The following MYO3B variants were observed in gnomAD, a reference collection of about 807,000 sequenced individuals.
The protein encoded by MYO3B is myosin-IIIb.
In MYO3B, 156 loss-of-function variants were observed where a neutral mutation model predicts 174.6. The ratio of observed to expected loss-of-function variants is 0.89; its 90% CI spans 0.78 to 1.02. The LOEUF (loss-of-function observed/expected upper bound fraction) is 1.02, where lower values mean the gene tolerates loss of function less well. Among genes scored for constraint, MYO3B ranks in the 50% least tolerant of loss-of-function variants. MYO3B has a pLI of 0.00. For missense variants in MYO3B, 1,632 were observed against 1,639.4 expected (o/e 1.00, Z 0.08); for synonymous variants, 563 against 569.1 (o/e 0.99, Z 0.15).
Position 170,499,806 on chromosome 2 carries a change from C to A in MYO3B, c.3287C>A (p.Ser1096Ter). 1 of 1,613,608 alleles carries A rather than the reference C, an allele frequency of 6.2e-7. No individual in the cohort carries two copies. The highest frequency in any genetic ancestry group is 1.1e-5 in the South Asian group (1 of 91,012). ...GAGAAGGGAGCCATTGCCATCCAGTCAGGTAAATGGTCCTGTTCTCATAAA... is the reference window on the plus strand; with the variant it reads ...GAGAAGGGAGCCATTGCCATCCAGTAAGGTAAATGGTCCTGTTCTCATAAA... Reference protein sequence around the residue: ...KREKGAIAIQSAWRGYDARRK... With the variant: ...KREKGAIAIQ Residue 1096 changes from serine to a stop codon, truncating the protein, a stop_gained and splice_region_variant, in exon 27 of 35, where the codon TCA (serine) becomes TAA (stop). Coordinates refer to ENST00000408978, the MANE Select transcript of MYO3B (RefSeq NM_138995.5). LOFTEE classifies it high-confidence loss of function.
intron 32 of MYO3B, among the ~76,000 whole-genome samples, chr2:170,562,955 T>G (rs1200195144): frequency 6.6e-6 from 1 of 151,870 alleles, no homozygotes; most frequent in Non-Finnish European, 1.5e-5. Context: ...AAATCCTTCT[T>G]ATAATTTTAG....
At chr2:170,390,178 C>T (rs368571229) in intron 14 of MYO3B, among the ~76,000 whole-genome samples, 2 of 152,146 alleles carry the variant, frequency 1.3e-5, no homozygotes, top group East Asian at 1.9e-4. Context: ...GTGGCTCACG[C>T]CTGTAATCCC....
chr2:170,571,382 G>C (rs1692427471), intron 32 of MYO3B, among the ~76,000 whole-genome samples: 1 of 152,146 alleles, frequency 6.6e-6, no homozygotes, highest in Non-Finnish European at 1.5e-5. Flanking sequence ...GTTTCTTATG[G>C]GGCTAGCAAA....
chr2:170,304,863 C>T (rs917688542), intron 7 of MYO3B, among the ~76,000 whole-genome samples: 4 of 151,444 alleles, frequency 2.6e-5, no homozygotes, highest in Non-Finnish European at 5.9e-5. Context: ...ATTTTTTTCC[C>T]CCAGTTTTCT....
At chr2:170,569,241 C>G (rs1425643871) in intron 32 of MYO3B, among the ~76,000 whole-genome samples, 3 of 152,166 alleles carry the variant, frequency 2.0e-5, no homozygotes, top group African/African-American at 4.8e-5. Context: ...TTCACCCATT[C>G]TTCCAAAAGT....
At chr2:170,509,923 G>A (rs1371107835) in intron 28 of MYO3B, among the ~76,000 whole-genome samples, 1 of 152,176 alleles carries the variant, frequency 6.6e-6, no homozygotes, top group Non-Finnish European at 1.5e-5. Context: ...ACAGCTGAAC[G>A]ACAGCCGTTT....
At chr2:170,273,449 C>T (rs528854348) in intron 7 of MYO3B, among the ~76,000 whole-genome samples, 1 of 152,220 alleles carries the variant, frequency 6.6e-6, no homozygotes, top group East Asian at 1.9e-4. Context: ...TTGTTACAGC[C>T]TAGAAGGTCT....
intron 7 of MYO3B, among the ~76,000 whole-genome samples, chr2:170,278,228 A>G (rs1438438330): frequency 6.6e-6 from 1 of 152,158 alleles, no homozygotes; most frequent in East Asian, 1.9e-4. Context: ...TTTATCACCA[A>G]GGTAACCAGA....
Position 170,236,120 on chromosome 2 carries a change from C to T in MYO3B, c.733C>T (p.Leu245Phe). The T allele has an allele frequency of 6.2e-7, 1 of 1,614,166 alleles. No homozygotes were observed. Among genetic ancestry groups the T allele is most frequent in the Non-Finnish European group, 8.5e-7 (1 of 1,180,018 alleles). The stretch of plus-strand genomic sequence containing the variant: ...CTTTGACATGCATCCTGTGAAAACA[C>T]TCTTTAAGATTCCAAGGTAAGACAC... ...PLFDMHPVKTLFKIPRNPPPT... is the reference protein window; with the variant it reads ...PLFDMHPVKTFFKIPRNPPPT... The change falls in exon 7 of 35, where the codon CTC becomes TTC. Residue 245 changes from leucine (L) to phenylalanine (F), a missense_variant. Coordinates refer to ENST00000408978, the MANE Select transcript of MYO3B (RefSeq NM_138995.5).
chr2:170,497,064 C>T (rs1343866086), intron 25 of MYO3B, among the ~76,000 whole-genome samples: 4 of 152,140 alleles, frequency 2.6e-5, no homozygotes, highest in Non-Finnish European at 5.9e-5. Flanking sequence ...GAGAAAATAG[C>T]AGAGGTAGGA....
At chr2:170,321,110 G>A (rs1030133607) in intron 7 of MYO3B, among the ~76,000 whole-genome samples, 7 of 151,982 alleles carry the variant, frequency 4.6e-5, no homozygotes, top group South Asian at 2.1e-4. Context: ...TAAAAAAATC[G>A]AGAAACAAAC....
chr2:170,372,678 G>C (rs1337033142), intron 9 of MYO3B, among the ~76,000 whole-genome samples: 3 of 152,128 alleles, frequency 2.0e-5, no homozygotes, highest in African/African-American at 7.2e-5. Context: ...AAAGTACCTA[G>C]ATAAAGGAAT....
chr2:170,562,662 G>A (rs996159670), intron 32 of MYO3B, among the ~76,000 whole-genome samples: 1 of 152,196 alleles, frequency 6.6e-6, no homozygotes, highest in East Asian at 1.9e-4. Flanking sequence ...CAGTAATGAG[G>A]CTGTGCATTG....
At chr2:170,409,980 T>C (rs2094534973) in intron 22 of MYO3B, among the ~76,000 whole-genome samples, 1 of 152,236 alleles carries the variant, frequency 6.6e-6, no homozygotes, top group Non-Finnish European at 1.5e-5. Context: ...AAATAAGTTA[T>C]GCTGTTCTTT....
chr2:170,244,079 G>A (rs570254657), intron 7 of MYO3B, among the ~76,000 whole-genome samples: 1 of 152,300 alleles, frequency 6.6e-6, no homozygotes, highest in Admixed American at 6.5e-5. Context: ...ATCCTCTGAA[G>A]AGAACTAGGG....
chr2:170,229,334 G>T (rs752015009), intron 6 of MYO3B, among the ~76,000 whole-genome samples: 15 of 152,162 alleles, frequency 9.9e-5, no homozygotes, highest in Non-Finnish European at 2.1e-4. Context: ...AGGTCTGTTT[G>T]CCTTGCCTCT....
At chr2:170,489,509 G>C (rs1339051084) in intron 25 of MYO3B, among the ~76,000 whole-genome samples, 2 of 152,192 alleles carry the variant, frequency 1.3e-5, no homozygotes, top group Non-Finnish European at 2.9e-5. Context: ...TACCATTTAT[G>C]GTTTTGCACA....
intron 27 of MYO3B, among the ~76,000 whole-genome samples, chr2:170,501,506 A>C (rs926774503): frequency 6.6e-6 from 1 of 152,206 alleles, no homozygotes; most frequent in African/African-American, 2.4e-5. Context: ...TCTCACCTGG[A>C]GTAGGGGTCC....
At chr2:170,388,192 G>A (rs1307106808) in intron 14 of MYO3B, among the ~76,000 whole-genome samples, 1 of 152,058 alleles carries the variant, frequency 6.6e-6, no homozygotes, top group Non-Finnish European at 1.5e-5. Context: ...GTGTTGGCTT[G>A]TAAGAGCAAA....
Sources: gnomAD v4.1 joint callset for allele counts (sites outside exome capture counted in the v4.1 genomes callset) on GRCh38, gnomAD v4.1.1 for gene constraint, MANE v1.5 for transcripts, NCBI Gene and HGNC (gene_info 2026-07-23, HGNC 2026-07-21) for gene names.